Variants in FCRL3 observed in about 807,000 individuals in gnomAD.
FCRL3 encodes Fc receptor-like protein 3.
Under a neutral mutation model 75.0 loss-of-function variants are expected in FCRL3, and 89 were observed. That is an observed-to-expected ratio of 1.19 (90% CI 1.00 to 1.42). The LOEUF (loss-of-function observed/expected upper bound fraction) is 1.42. Ranked by LOEUF, FCRL3 falls within the 40% of genes most tolerant of loss-of-function variation. The pLI is 0.00. For synonymous variants in FCRL3, 376 were observed against 348.5 expected, an observed-to-expected ratio of 1.08 and a Z score of -0.88; for missense variants, 946 against 880.0, an observed-to-expected ratio of 1.07 and a Z score of -0.95.
At chr1:157,689,671 G>A in intron 10 of FCRL3, 127 bp downstream of exon 10, 1 of 1,232,382 alleles carries the variant, frequency 8.1e-7, no homozygotes, top group Non-Finnish European at 1.1e-6. Context: ...CAGAGTGACA[G>A]TGAGTAGTGG....
intron 7 of FCRL3, 71 bp downstream of exon 7, chr1:157,695,969 C>A: frequency 9.6e-7 from 1 of 1,040,268 alleles, no homozygotes; most frequent in African/African-American, 1.9e-5. Flanking sequence ...TTTTAGGAGA[C>A]CTTAGTGGCT....
At chr1:157,700,396 G>T in intron 2 of FCRL3, 63 bp downstream of exon 2, 1 of 1,611,860 alleles carries the variant, frequency 6.2e-7, no homozygotes, top group South Asian at 1.1e-5. Context: ...GAAGCTCCTT[G>T]AGTTTTTCCC....
chr1:157,697,442 CAT>C lies in FCRL3; in HGVS notation c.560-20_560-19del. On this transcript the variant is annotated intron_variant, in intron 5 of 14. Coordinates refer to ENST00000368184, the MANE Select transcript of FCRL3 (RefSeq NM_052939.4). Reference sequence around the variant, plus strand: ...AAACAGCTCTAATGAAAAGAAACAACATAGTCTCCAGGGTGGTGAGGCTCAGA... The same window carrying C: ...AAACAGCTCTAATGAAAAGAAACAACAGTCTCCAGGGTGGTGAGGCTCAGA... 6.5e-7 allele frequency: 1 copy of C among 1,528,034 alleles called. No homozygotes were observed. Among genetic ancestry groups the C allele is most frequent in the Non-Finnish European group, 8.8e-7 (1 of 1,142,442 alleles). The allele number at this position is 1,528,034 out of a possible 1,614,324, so 94.7% of individuals were successfully genotyped here. A position where few individuals can be genotyped will look rare whatever the true frequency, so the allele number is the denominator to read the frequency against.
At position 157,696,338 on chromosome 1, in the gene FCRL3, A is replaced by G; in HGVS notation, c.845-11T>C. 1 of 1,613,000 alleles carries G rather than the reference A, an allele frequency of 6.2e-7. No individual in the cohort carries two copies. On this transcript the variant is annotated splice_polypyrimidine_tract_variant and intron_variant, in intron 6 of 14. Transcript: ENST00000368184. ...TAGACACAGGGACTCCTGGGGGAAC[A>G]CAAGATGGCATGTGAAGGTCCTGAT...
Position 157,677,032 on chromosome 1 carries a change from T to C in FCRL3, c.*1678A>G. ...AGGGACCTTAAAATTTTAATGCCAA[T>C]ATGAACATGAACTGGCAGAGATCAG... On this transcript the variant is annotated 3_prime_UTR_variant, in exon 15 of 15. Transcript: ENST00000368184. The C allele has an allele frequency of 8.0e-7, 1 of 1,246,478 alleles. No individual in the cohort carries two copies. The highest frequency in any genetic ancestry group is 1.0e-6 in the Non-Finnish European group (1 of 981,768). 77.2% of individuals were successfully genotyped at this position (1,246,478 alleles called of 1,614,324 possible).
In FCRL3 at chr1:157,680,758, T is replaced by C; in HGVS notation, c.1970A>G (p.Asp657Gly). The stretch of plus-strand genomic sequence containing the variant: ...GATCTGGGAATAAATCGGGTTGCTA[T>C]CTCCAGGATTTACTGTGAGAGAAGA... ...EPMYSNVNPG[D>G]SNPIYSQIWS... The change falls in exon 13 of 15, where the codon GAT becomes GGT. Residue 657 changes from aspartate to glycine, a missense_variant. Coordinates refer to ENST00000368184, the MANE Select transcript of FCRL3 (RefSeq NM_052939.4). 6.2e-7 allele frequency: 1 copy of C among 1,614,088 alleles called. No homozygotes were observed. The highest frequency in any genetic ancestry group is 8.5e-7 in the Non-Finnish European group (1 of 1,179,952).
chr1:157,684,381 C>T (rs1198573633), intron 10 of FCRL3, among the ~76,000 whole-genome samples: 2 of 152,184 alleles, frequency 1.3e-5, no homozygotes, highest in Non-Finnish European at 2.9e-5. Context: ...GAGTAACTCC[C>T]TGTTCCTCAG....
chr1:157,695,478 T>A lies in FCRL3; in HGVS notation c.1262A>T (p.Asp421Val), dbSNP rs942543833. The A allele has an allele frequency of 6.2e-7, 1 of 1,614,126 alleles. No homozygotes were observed. The highest frequency in any genetic ancestry group is 2.2e-5 in the East Asian group (1 of 44,878). ...PPILYRFYHEDVTLGNSSAPS... is the reference protein window; with the variant it reads ...PPILYRFYHEVVTLGNSSAPS... ...GGCTGAGCTGTTCCCCAGGGTGACA[T>A]CCTCATGATAAAATCGGTACAGGAT... Residue 421 changes from aspartate (D) to valine (V), a missense_variant, in exon 8 of 15, where the codon GAT (aspartate) becomes GTT (valine). By Grantham distance (152) the Asp-to-Val change is radical. Coordinates refer to ENST00000368184, the MANE Select transcript of FCRL3 (RefSeq NM_052939.4).
chr1:157,683,508 T>C (rs1654978203), intron 10 of FCRL3, among the ~76,000 whole-genome samples: 1 of 152,164 alleles, frequency 6.6e-6, no homozygotes, highest in Admixed American at 6.5e-5. Flanking sequence ...CTCTAAGTAG[T>C]TGTGACTGAG....
intron 10 of FCRL3, among the ~76,000 whole-genome samples, chr1:157,683,994 C>A (rs1363600515): frequency 2.0e-5 from 3 of 152,238 alleles, no homozygotes; most frequent in South Asian, 2.1e-4. Context: ...AGGCTGTAAA[C>A]CTCATCTTAA....
At position 157,696,219 on chromosome 1, in the gene FCRL3, A is replaced by G. The variant is rs747886104; in HGVS notation, c.953T>C (p.Val318Ala). ...TCCTTCTTTGTGCCAGGAGAATGTGACAGTCCCTGAACCCTGGGCTACTGA... is the reference window on the plus strand; with the variant it reads ...TCCTTCTTTGTGCCAGGAGAATGTGGCAGTCCCTGAACCCTGGGCTACTGA... ...ICSVAQGSGT[V>A]TFSWHKEGRV... The change falls in exon 7 of 15, where the codon GTC becomes GCC. Residue 318 changes from valine to alanine, a missense_variant. Transcript: ENST00000368184. The G allele has an allele frequency of 5.0e-6, 8 of 1,613,754 alleles. No individual in the cohort carries two copies. Among genetic ancestry groups the G allele is most frequent in the Non-Finnish European group, 5.1e-6 (6 of 1,179,992 alleles).
At chr1:157,700,344 C>G in intron 2 of FCRL3, 115 bp downstream of exon 2, 1 of 1,502,910 alleles carries the variant, frequency 6.7e-7, no homozygotes. Context: ...CACTTCCCAT[C>G]CCTTGCTATC....
At chr1:157,696,900 C>T (rs1655944742) in intron 6 of FCRL3, 3 of 346,756 alleles carry the variant, frequency 8.7e-6, no homozygotes, top group South Asian at 2.6e-4. Context: ...CGATCTTGTA[C>T]ATCTCTGTAA....
Position 157,678,870 on chromosome 1 carries a change from A to T in FCRL3, c.2059-14T>A. ...GACTGTAAGTTCCTGGTAGAAAAAAACACAAAAGGTAAGTACCTAAATACA... is the reference window on the plus strand; with the variant it reads ...GACTGTAAGTTCCTGGTAGAAAAAATCACAAAAGGTAAGTACCTAAATACA... On this transcript the variant is annotated splice_polypyrimidine_tract_variant and intron_variant, in intron 14 of 14. Coordinates refer to ENST00000368184, the MANE Select transcript of FCRL3 (RefSeq NM_052939.4). The T allele has an allele frequency of 6.2e-7, 1 of 1,614,058 alleles. No homozygotes were observed. Among genetic ancestry groups the T allele is most frequent in the Non-Finnish European group, 8.5e-7 (1 of 1,179,994 alleles).
At chr1:157,685,678 C>T (rs1454492020) in intron 10 of FCRL3, among the ~76,000 whole-genome samples, 1 of 152,066 alleles carries the variant, frequency 6.6e-6, no homozygotes, top group Non-Finnish European at 1.5e-5. Context: ...TGGAACATAT[C>T]CTAGGATCAG....
At position 157,676,546 on chromosome 1, in the gene FCRL3, C is replaced by T. The variant is rs1186124259; in HGVS notation, c.*2164G>A. ...AAATTACTTTTTTTAGATTTCTGGGCTATGGGTTTTTAGTTGTGAATTCAA... is the reference window on the plus strand; with the variant it reads ...AAATTACTTTTTTTAGATTTCTGGGTTATGGGTTTTTAGTTGTGAATTCAA... On this transcript the variant is annotated 3_prime_UTR_variant, in exon 15 of 15. Transcript: ENST00000368184. The T allele has an allele frequency of 9.7e-6, 6 of 615,762 alleles. No homozygotes were observed. Among genetic ancestry groups the T allele is most frequent in the Non-Finnish European group, 1.6e-5 (6 of 370,436 alleles). 38.1% of individuals were successfully genotyped at this position (615,762 alleles called of 1,614,324 possible). A position where few individuals can be genotyped will look rare whatever the true frequency, so the allele number is the denominator to read the frequency against.
At chr1:157,688,875 C>G (rs771364335) in intron 10 of FCRL3, among the ~76,000 whole-genome samples, 2 of 152,120 alleles carry the variant, frequency 1.3e-5, no homozygotes, top group Non-Finnish European at 2.9e-5. Context: ...TATAAGGCTA[C>G]TTCGACATTC....
chr1:157,678,886 C>A, intron 14 of FCRL3, 30 bp from the exon 15 acceptor site: 1 of 1,613,926 alleles, frequency 6.2e-7, no homozygotes, highest in Non-Finnish European at 8.5e-7. Context: ...AAGGTAAGTA[C>A]CTAAATACAG....
chr1:157,697,747 A>T lies in FCRL3; in HGVS notation c.471T>A (p.Asp157Glu), dbSNP rs1180392884. The T allele has an allele frequency of 1.2e-6, 2 of 1,614,082 alleles. No homozygotes were observed. The highest frequency in any genetic ancestry group is 1.7e-6 in the Non-Finnish European group (2 of 1,179,940). ...AAGCAGTACAATGATATTTGCTATTATCCCTGGAGACTGAATTCACTGTGA... is the reference window on the plus strand; with the variant it reads ...AAGCAGTACAATGATATTTGCTATTTTCCCTGGAGACTGAATTCACTGTGA... ...EKITVNSVSRDNSKYHCTAYR... is the reference protein window; with the variant it reads ...EKITVNSVSRENSKYHCTAYR... The change falls in exon 5 of 15, where the codon GAT (aspartate) becomes GAA (glutamate). Residue 157 changes from aspartate to glutamate, a missense_variant. Asp to Glu is a conservative substitution (Grantham distance 45). Transcript: ENST00000368184.
Sources: gnomAD v4.1 joint callset for allele counts (sites outside exome capture counted in the v4.1 genomes callset) on GRCh38, gnomAD v4.1.1 for gene constraint, MANE v1.5 for transcripts, NCBI Gene and HGNC (gene_info 2026-07-23, HGNC 2026-07-21) for gene names.